The following RBM47 variants were observed in gnomAD, a reference collection of about 807,000 sequenced individuals.
The protein encoded by RBM47 is RNA binding motif protein 47, also known as RNA-binding protein 47.
A neutral mutation model predicts 47.1 loss-of-function variants in RBM47; 21 were observed. That is an observed-to-expected ratio of 0.45 (90% confidence interval 0.32 to 0.64). The LOEUF (loss-of-function observed/expected upper bound fraction) is 0.64. Among genes scored for constraint, RBM47 ranks in the 30% least tolerant of loss-of-function variants. RBM47 has a pLI of 0.05. For synonymous variants in RBM47, 375 were observed against 361.7 expected (o/e 1.04, Z -0.42); for missense variants, 708 against 870.9 (o/e 0.81, Z 2.35).
At chr4:40,612,734 G>T (rs997773676) in intron 1 of RBM47, among the ~76,000 whole-genome samples, 19 of 152,114 alleles carry the variant, frequency 1.2e-4, no homozygotes, top group African/African-American at 4.6e-4. Context: ...TATTAAATTT[G>T]AAGGTATCTT....
rs1288315436 is a variant in RBM47 at position 40,424,478 on chromosome 4, T to C, written c.*1426A>G. 1 of 152,586 alleles carries C rather than the reference T, an allele frequency of 6.6e-6. No individual in the cohort carries two copies. Among genetic ancestry groups the C allele is most frequent in the Non-Finnish European group, 1.5e-5 (1 of 68,036 alleles). The allele number at this position is 152,586 out of a possible 1,614,324, so 9.5% of individuals were successfully genotyped here. ...ATAAAACAAACCTTTTTAATAACATTGAAATAAAATGGTTTCATTTTGCAT... is the reference window on the plus strand; with the variant it reads ...ATAAAACAAACCTTTTTAATAACATCGAAATAAAATGGTTTCATTTTGCAT... On this transcript the variant is annotated 3_prime_UTR_variant, in exon 7 of 7. Transcript: ENST00000295971.
At chr4:40,478,372 G>A (rs1410327454) in intron 2 of RBM47, among the ~76,000 whole-genome samples, 1 of 152,180 alleles carries the variant, frequency 6.6e-6, no homozygotes, top group South Asian at 2.1e-4. Context: ...CTGGAGGAGT[G>A]ATCCTTTGTC....
chr4:40,573,807 A>AAAAGAAAGAAAGAAAGAAAG (rs1553903538), intron 1 of RBM47, among the ~76,000 whole-genome samples: 4,811 of 136,700 alleles, frequency 0.035, 203 homozygotes, highest in African/African-American at 0.093. Context: ...GAAAGAAAGA[A>AAAAGAAAGAAAGAAAGAAAG]AAAGAAAGAA....
intron 1 of RBM47, among the ~76,000 whole-genome samples, chr4:40,576,148 T>C (rs1424998368): frequency 6.6e-6 from 1 of 152,110 alleles, no homozygotes; most frequent in African/African-American, 2.4e-5. Flanking sequence ...ATGGAATGCA[T>C]TCCTTGAGAA....
At position 40,628,604 on chromosome 4, in the gene RBM47, C is replaced by T. The variant is rs539727709; in HGVS notation, c.-240+792G>A. Among the ~76,000 whole-genome samples, 6 of 152,144 alleles carry T rather than the reference C, an allele frequency of 3.9e-5. No individual in the cohort carries two copies. Among genetic ancestry groups the T allele is most frequent in the Admixed American group, 1.3e-4 (2 of 15,272 alleles). On this transcript the variant is annotated intron_variant, in intron 1 of 6. Transcript: ENST00000295971. The surrounding 1 kb of genome is among the most constrained non-coding windows in gnomAD (Gnocchi z 4.0). ...CTTGCCTTAAAACTTTTAAAGAATA[C>T]ATTTTAAAATCTATATTCCTGCTAA...
chr4:40,599,362 C>T (rs762593960), intron 1 of RBM47, among the ~76,000 whole-genome samples: 15 of 151,984 alleles, frequency 9.9e-5, no homozygotes, highest in Non-Finnish European at 2.1e-4. Context: ...TTACACTTAC[C>T]ACCCCCAACC....
At chr4:40,443,516 G>A (rs552531053) in intron 3 of RBM47, among the ~76,000 whole-genome samples, 11 of 151,846 alleles carry the variant, frequency 7.2e-5, no homozygotes, top group African/African-American at 1.4e-4. Flanking sequence ...TTGGGAGTTC[G>A]AGACCAGCCT....
At position 40,463,826 on chromosome 4, in the gene RBM47, T is replaced by A. The variant is rs59025595; in HGVS notation, c.-32+2751A>T. Among the ~76,000 whole-genome samples the A allele has an allele frequency of 2.6e-3, 396 of 152,136 alleles. 1 individual carries two copies. The highest frequency in any genetic ancestry group is 9.3e-3 in the African/African-American group (385 of 41,524). ...TTTTTTGAGTATCTATAAAAATATT[T>A]CTGGTTTTAAAATCTTCCTAAATTG... is the stretch of plus-strand genomic sequence containing the variant. On this transcript the variant is annotated intron_variant, in intron 3 of 6. Transcript: ENST00000295971.
rs545228233 is a variant in RBM47 at position 40,437,895 on chromosome 4, G to T, written c.999C>A (p.Gly333=). ...QYSRYQKAAR[G]GGAAEAAQQP... ...GCTGCGCTGCCTCAGCCGCGCCGCC[G>T]CCCCTGGCTGCCTTCTGGTAGCGCG... is the stretch of plus-strand genomic sequence containing the variant. Residue 333 remains glycine (G), a synonymous_variant, in exon 4 of 7, where the codon GGC becomes GGA. Transcript: ENST00000295971. 3 of 1,613,902 alleles carry T rather than the reference G, an allele frequency of 1.9e-6. No individual in the cohort carries two copies. Among genetic ancestry groups the T allele is most frequent in the Non-Finnish European group, 2.5e-6 (3 of 1,180,012 alleles).
intron 2 of RBM47, among the ~76,000 whole-genome samples, chr4:40,519,516 C>G (rs549875473): frequency 6.6e-6 from 1 of 151,754 alleles, no homozygotes; most frequent in Non-Finnish European, 1.5e-5. Context: ...AGGCTGGTCT[C>G]GAACTCCCAA....
At chr4:40,624,147 G>A (rs1737519292) in intron 1 of RBM47, among the ~76,000 whole-genome samples, 3 of 152,156 alleles carry the variant, frequency 2.0e-5, no homozygotes, top group African/African-American at 7.2e-5. Context: ...GACCAAGCCT[G>A]GCCCAGATTA....
intron 6 of RBM47, among the ~76,000 whole-genome samples, chr4:40,432,019 T>TA (rs145838197): frequency 0.57 from 83,782 of 146,988 alleles, 24,196 homozygotes; most frequent in South Asian, 0.76. Flanking sequence ...CCAGGCTAAT[T>TA]TAAAAAAAAA....
At chr4:40,546,752 G>A (rs1284048288) in intron 1 of RBM47, among the ~76,000 whole-genome samples, 2 of 152,128 alleles carry the variant, frequency 1.3e-5, no homozygotes, top group Non-Finnish European at 2.9e-5. Context: ...CCTGTGTCAC[G>A]AGTGCCTGTT....
intron 5 of RBM47, among the ~76,000 whole-genome samples, chr4:40,434,852 T>C (rs986890802): frequency 1.3e-5 from 2 of 151,918 alleles, no homozygotes; most frequent in South Asian, 2.1e-4. Flanking sequence ...GGGAGAGAAG[T>C]GTACAATCTC....
intron 2 of RBM47, among the ~76,000 whole-genome samples, chr4:40,525,221 T>C (rs438851): frequency 0.098 from 14,867 of 152,176 alleles, 2,132 homozygotes; most frequent in African/African-American, 0.32. Context: ...GCAGATTGCT[T>C]GAGGCCAGGA....
intron 1 of RBM47, among the ~76,000 whole-genome samples, chr4:40,553,972 G>A (rs1729822275): frequency 6.6e-6 from 1 of 152,138 alleles, no homozygotes; most frequent in African/African-American, 2.4e-5. Context: ...CTGAAACTGA[G>A]TACGCAAGTG....
At position 40,519,819 on chromosome 4, in the gene RBM47, G is replaced by A. The variant is rs950459943; in HGVS notation, c.-155+24603C>T. Among the ~76,000 whole-genome samples, 4 of 151,794 alleles carry A rather than the reference G, an allele frequency of 2.6e-5. No individual in the cohort carries two copies. The East Asian group carries it at 5.8e-4, about 22-fold the overall frequency. ...CGAGTAGATGGGACAACAGGCGCCC[G>A]CCACCATGCCCAGCTAATTTTTGTA... On this transcript the variant is annotated intron_variant, in intron 2 of 6. Transcript: ENST00000295971.
At position 40,600,990 on chromosome 4, in the gene RBM47, A is replaced by C. The variant is rs1000084254; in HGVS notation, c.-240+28406T>G. ...ACAAGAGTGAAACTCCGTCTCAAAA[A>C]AAAAAAAAAAAAGAAAGAAGAACAT... On this transcript the variant is annotated intron_variant, in intron 1 of 6. Transcript: ENST00000295971. Among the ~76,000 whole-genome samples the C allele has an allele frequency of 1.2e-4, 18 of 149,516 alleles. No homozygotes were observed. In the East Asian group the frequency reaches 3.1e-3, roughly 26 times the overall value.
At chr4:40,429,517 T>C (rs1356364170) in intron 6 of RBM47, among the ~76,000 whole-genome samples, 4 of 151,534 alleles carry the variant, frequency 2.6e-5, no homozygotes, top group Non-Finnish European at 5.9e-5. Flanking sequence ...TACAGCATCA[T>C]CAAAGAGCAG....
Sources: gnomAD v4.1 joint callset for allele counts (sites outside exome capture counted in the v4.1 genomes callset) on GRCh38, gnomAD v4.1.1 for gene constraint, Gnocchi (gnomAD v3.1) non-coding constraint, MANE v1.5 for transcripts, NCBI Gene and HGNC (gene_info 2026-07-23, HGNC 2026-07-21) for gene names.